The following PCDHA9 variants were observed in gnomAD, a reference collection of about 807,000 sequenced individuals.
The protein encoded by PCDHA9 is protocadherin alpha 9.
Under a neutral mutation model 62.0 loss-of-function variants are expected in PCDHA9, and 62 were observed. The observed-to-expected ratio is 1.00, with a 90% CI of 0.81 to 1.23. PCDHA9 has a LOEUF of 1.23. PCDHA9 is among the 50% of genes most tolerant of loss of function. The pLI is 0.00. For missense variants in PCDHA9, 1,205 were observed against 1,249.8 expected (o/e 0.96, Z 0.54); for synonymous variants, 557 against 567.6 (o/e 0.98, Z 0.27).
chr5:140,971,970 A>C (rs2096510217), intron 1 of PCDHA9, among the ~76,000 whole-genome samples: 1 of 152,130 alleles, frequency 6.6e-6, no homozygotes, highest in Non-Finnish European at 1.5e-5. Flanking sequence ...TTTTTTCAAT[A>C]CTATGAGTAG....
At position 141,012,023 on chromosome 5, in the gene PCDHA9, C is replaced by T. The variant is rs1174206729; in HGVS notation, c.*2086C>T. On this transcript the variant is annotated 3_prime_UTR_variant, in exon 4 of 4. Coordinates refer to ENST00000532602, the MANE Select transcript of PCDHA9 (RefSeq NM_031857.2). ...TATTTTGAAGGGTGTGTAACTTCAGCTCTGCAGGATTGCATGGGGTAAAAC... is the reference window on the plus strand; with the variant it reads ...TATTTTGAAGGGTGTGTAACTTCAGTTCTGCAGGATTGCATGGGGTAAAAC... The T allele has an allele frequency of 6.5e-6, 1 of 153,700 alleles. No individual in the cohort carries two copies. The highest frequency in any genetic ancestry group is 1.5e-5 in the Non-Finnish European group (1 of 68,026). The allele number at this position is 153,700 out of a possible 1,614,324, so 9.5% of individuals were successfully genotyped here.
Position 141,011,847 on chromosome 5 carries a change from T to C in PCDHA9, c.*1910T>C, listed in dbSNP as rs745912784. 2.0e-5 allele frequency: 3 copies of C among 153,780 alleles called. No individual in the cohort carries two copies. Among genetic ancestry groups the C allele is most frequent in the Non-Finnish European group, 4.4e-5 (3 of 68,052 alleles). The allele number at this position is 153,780 out of a possible 1,614,324, so 9.5% of individuals were successfully genotyped here. ...ATTTGCTGTCACCTTAAATAAGACA[T>C]TTTAATTTTGTTATAATGTACAATT... On this transcript the variant is annotated 3_prime_UTR_variant, in exon 4 of 4. Coordinates refer to ENST00000532602, the MANE Select transcript of PCDHA9 (RefSeq NM_031857.2).
chr5:141,000,365 C>CTG (rs2097904906), intron 3 of PCDHA9, among the ~76,000 whole-genome samples: 2 of 12,832 alleles, frequency 1.6e-4, no homozygotes, highest in Non-Finnish European at 2.6e-4. Flanking sequence ...CTCTCTGTCT[C>CTG]TCTCTCTCTC....
chr5:140,875,921 C>G, intron 1 of PCDHA9: 1 of 1,614,228 alleles, frequency 6.2e-7, no homozygotes. Flanking sequence ...CCTCTGGACT[C>G]TCATTTTCCT....
intron 1 of PCDHA9, among the ~76,000 whole-genome samples, chr5:140,958,384 C>G (rs1352428582): frequency 6.6e-6 from 1 of 152,098 alleles, no homozygotes; most frequent in Non-Finnish European, 1.5e-5. Context: ...ATTTTCTTAA[C>G]AGGTCATCAA....
chr5:140,849,989 G>T lies in PCDHA9; in HGVS notation c.1494G>T (p.Arg498=), dbSNP rs150286933. The change falls in exon 1 of 4, where the codon CGG becomes CGT. Residue 498 remains arginine (R), a synonymous_variant. Transcript: ENST00000532602. ...ALVSYSLVER[R]LGERSLSSYV... ...TGTCCTACTCGCTGGTGGAGCGGCG[G>T]TTGGGCGAGCGCTCGCTGTCGAGCT... The T allele has an allele frequency of 5.0e-4, 791 of 1,597,330 alleles. 42 individuals carry two copies. The African/African-American group carries it at 9.7e-3, about 20-fold the overall frequency.
intron 1 of PCDHA9, chr5:140,927,936 A>G: frequency 6.2e-7 from 1 of 1,614,246 alleles, no homozygotes; most frequent in East Asian, 2.2e-5. Context: ...TTTCGAACCC[A>G]GTACCTGAGG....
chr5:140,964,472 T>A (rs1160731930), intron 1 of PCDHA9, among the ~76,000 whole-genome samples: 1 of 152,074 alleles, frequency 6.6e-6, no homozygotes, highest in Non-Finnish European at 1.5e-5. Context: ...GTGCCTATGA[T>A]TTTTTCACAG....
intron 1 of PCDHA9, among the ~76,000 whole-genome samples, chr5:140,897,430 C>T (rs1297820601): frequency 6.7e-6 from 1 of 148,618 alleles, no homozygotes; most frequent in Non-Finnish European, 1.5e-5. Context: ...TGAGTGAGAA[C>T]ATGCAGTGTT....
chr5:140,910,387 T>G (rs540534807), intron 1 of PCDHA9, among the ~76,000 whole-genome samples: 3 of 152,276 alleles, frequency 2.0e-5, no homozygotes, highest in Admixed American at 6.5e-5. Context: ...CCTTTGACAG[T>G]TGACTGGCCC....
chr5:140,858,128 G>A (rs782090771), intron 1 of PCDHA9: 11 of 1,597,872 alleles, frequency 6.9e-6, no homozygotes, highest in Non-Finnish European at 9.4e-6. Context: ...CCTGGTGGAT[G>A]TCAACGTGTA....
intron 1 of PCDHA9, chr5:140,857,408 T>C: frequency 6.3e-7 from 1 of 1,597,854 alleles, no homozygotes; most frequent in Non-Finnish European, 8.6e-7. Context: ...CGCGCCTGCG[T>C]TCGCGCAGTC....
intron 3 of PCDHA9, among the ~76,000 whole-genome samples, chr5:140,985,361 G>T (rs1453706797): frequency 1.3e-5 from 2 of 152,132 alleles, no homozygotes; most frequent in Non-Finnish European, 2.9e-5. Flanking sequence ...GACCCTCTGA[G>T]GTTATCTGGG....
intron 3 of PCDHA9, among the ~76,000 whole-genome samples, chr5:141,003,897 T>G (rs1554259369): frequency 6.6e-6 from 1 of 152,132 alleles, no homozygotes; most frequent in Non-Finnish European, 1.5e-5. Flanking sequence ...ACAGGCCCAT[T>G]CATTTGGGTC....
rs2042381743 is a variant in PCDHA9 at position 140,852,581 on chromosome 5, T to A, written c.2394+1692T>A. ...GTGAGCCACTGTGCCAAGGCTTTTTTATTTTTTTTTTTTGTCATTTTCTTT... is the reference window on the plus strand; with the variant it reads ...GTGAGCCACTGTGCCAAGGCTTTTTAATTTTTTTTTTTTGTCATTTTCTTT... On this transcript the variant is annotated intron_variant, in intron 1 of 3. Transcript: ENST00000532602. 5 of 832,294 alleles carry A rather than the reference T, an allele frequency of 6.0e-6. 1 individual carries two copies. The highest frequency in any genetic ancestry group is 7.4e-6 in the Non-Finnish European group (5 of 678,338). 51.6% of individuals were successfully genotyped at this position (832,294 alleles called of 1,614,324 possible). A position where few individuals can be genotyped will look rare whatever the true frequency, so the allele number is the denominator to read the frequency against.
At chr5:140,953,530 C>T (rs923959885) in intron 1 of PCDHA9, among the ~76,000 whole-genome samples, 3 of 152,158 alleles carry the variant, frequency 2.0e-5, no homozygotes, top group Admixed American at 6.5e-5. Context: ...ACGGGAAACT[C>T]ACTTCATGCT....
In PCDHA9 at chr5:140,849,477, C is replaced by T; in HGVS notation, c.982C>T (p.Pro328Ser). 6.3e-7 allele frequency: 1 copy of T among 1,590,036 alleles called. No homozygotes were observed. Among genetic ancestry groups the T allele is most frequent in the Middle Eastern group, 1.7e-4 (1 of 5,772 alleles). The change falls in exon 1 of 4, where the codon CCA becomes TCA. Residue 328 changes from proline (P) to serine (S), a missense_variant. Physicochemically the swap from Pro to Ser is moderately conservative, Grantham distance 74. Transcript: ENST00000532602. ...AGTCGAGGCTGTCGATAAAGGCTTC[C>T]CACCCCTGGCTGGTCATTGTACACT... is the stretch of plus-strand genomic sequence containing the variant. ...IPVEAVDKGF[P>S]PLAGHCTLLV...
intron 2 of PCDHA9, among the ~76,000 whole-genome samples, chr5:140,980,956 C>T (rs2096912703): frequency 6.6e-6 from 1 of 152,110 alleles, no homozygotes; most frequent in Non-Finnish European, 1.5e-5. Flanking sequence ...AGGATAGTTA[C>T]ACCTTCATGA....
chr5:140,946,611 A>AATATATATAT (rs1554217734), intron 1 of PCDHA9, among the ~76,000 whole-genome samples: 3,697 of 86,664 alleles, frequency 0.043, 168 homozygotes, highest in Non-Finnish European at 0.054. Flanking sequence ...GAAAATGTGA[A>AATATATATAT]ATATATATAT....
Sources: gnomAD v4.1 joint callset for allele counts (sites outside exome capture counted in the v4.1 genomes callset) on GRCh38, gnomAD v4.1.1 for gene constraint, MANE v1.5 for transcripts, NCBI Gene and HGNC (gene_info 2026-07-23, HGNC 2026-07-21) for gene names.